Variants in ME3 observed in about 807,000 individuals in gnomAD.
ME3 encodes malic enzyme 3.
Under a neutral mutation model 68.9 loss-of-function variants are expected in ME3, and 48 were observed. That is an observed-to-expected ratio of 0.70 (90% CI 0.55 to 0.89). The LOEUF is 0.89. Among genes scored for constraint, ME3 ranks in the 40% least tolerant of loss-of-function variants. The probability of loss-of-function intolerance (pLI) is 0.00; values close to 1 mark genes in which losing one functional copy is unlikely to be tolerated. For missense variants in ME3, 675 were observed against 797.4 expected, an observed-to-expected ratio of 0.85 and a Z score of 1.85; for synonymous variants, 320 against 318.8, an observed-to-expected ratio of 1.00 and a Z score of -0.04.
chr11:86,519,350 G>A (rs1954102316), intron 4 of ME3, among the ~76,000 whole-genome samples: 1 of 152,196 alleles, frequency 6.6e-6, no homozygotes, highest in Admixed American at 6.5e-5. Flanking sequence ...GAAAAACAAA[G>A]ATAATGTTCA....
At chr11:86,485,293 GT>G (rs1268653244) in intron 7 of ME3, among the ~76,000 whole-genome samples, 2 of 152,124 alleles carry the variant, frequency 1.3e-5, no homozygotes, top group African/African-American at 2.4e-5. Flanking sequence ...TCAGCTTTTG[GT>G]TCTCTTCACT....
At chr11:86,490,980 G>A (rs1034033084) in intron 6 of ME3, among the ~76,000 whole-genome samples, 2 of 152,158 alleles carry the variant, frequency 1.3e-5, no homozygotes, top group Admixed American at 6.5e-5. Context: ...AGATACTGCT[G>A]AGATACAAGG....
intron 2 of ME3, among the ~76,000 whole-genome samples, chr11:86,610,000 A>C (rs142861809): frequency 6.6e-6 from 1 of 152,232 alleles, no homozygotes; most frequent in African/African-American, 2.4e-5. Flanking sequence ...TCAAGGGTAT[A>C]AACTATCATC....
At position 86,594,485 on chromosome 11, in the gene ME3, G is replaced by A. The variant is rs962696534; in HGVS notation, c.184-34662C>T. Reference sequence around the variant, plus strand: ...GTGGGTGAAGCACTTGAGCCCAGGTGTTTGAGACCAACCTGGGCAACATAA... The same window carrying A: ...GTGGGTGAAGCACTTGAGCCCAGGTATTTGAGACCAACCTGGGCAACATAA... On this transcript the variant is annotated intron_variant, in intron 2 of 14. Coordinates refer to ENST00000543262, the Ensembl canonical transcript of ME3. Among the ~76,000 whole-genome samples, 54 of 145,436 alleles carry A rather than the reference G, an allele frequency of 3.7e-4. 9 individuals are homozygous for A. In the Admixed American group the frequency reaches 4.0e-3, roughly 11 times the overall value.
At chr11:86,504,606 C>G (rs771514748) in intron 5 of ME3, among the ~76,000 whole-genome samples, 5 of 152,042 alleles carry the variant, frequency 3.3e-5, no homozygotes, top group Admixed American at 6.5e-5. Flanking sequence ...GTTGGCCAGG[C>G]TGGTCTCAAA....
intron 2 of ME3, among the ~76,000 whole-genome samples, chr11:86,604,382 G>A (rs1461953282): frequency 6.6e-6 from 1 of 152,056 alleles, no homozygotes; most frequent in East Asian, 1.9e-4. Flanking sequence ...AGATGGTTGT[G>A]GGGTGAGGTG....
intron 2 of ME3, among the ~76,000 whole-genome samples, chr11:86,660,180 C>T (rs981387375): frequency 3.9e-5 from 6 of 152,220 alleles, no homozygotes; most frequent in South Asian, 2.1e-4. Flanking sequence ...TTCTCTGACT[C>T]ACTCTTCTCC....
At chr11:86,446,253 G>A (rs1949280028) in intron 13 of ME3, 61 bp downstream of exon 13, 1 of 1,571,580 alleles carries the variant, frequency 6.4e-7, no homozygotes, top group Non-Finnish European at 8.7e-7. Flanking sequence ...ATCTGGTATA[G>A]GACCCAGTGT....
At chr11:86,551,984 T>C (rs1411278149) in intron 4 of ME3, among the ~76,000 whole-genome samples, 2 of 152,226 alleles carry the variant, frequency 1.3e-5, no homozygotes, top group Non-Finnish European at 2.9e-5. Flanking sequence ...CAGGTCTGAA[T>C]CAAACAACAG....
chr11:86,613,211 G>T (rs1395695970), intron 2 of ME3, among the ~76,000 whole-genome samples: 1 of 152,164 alleles, frequency 6.6e-6, no homozygotes, highest in Admixed American at 6.5e-5. Context: ...AAGATCAGAT[G>T]GTTGTAGATG....
At chr11:86,483,151 C>T (rs1951507582) in intron 7 of ME3, among the ~76,000 whole-genome samples, 1 of 152,146 alleles carries the variant, frequency 6.6e-6, no homozygotes, top group Non-Finnish European at 1.5e-5. Context: ...ACAGTAGAGA[C>T]ATCTAGTCAT....
chr11:86,608,931 A>G (rs7951868), intron 2 of ME3, among the ~76,000 whole-genome samples: 60,636 of 151,990 alleles, frequency 0.4, 12,727 homozygotes, highest in East Asian at 0.71. Flanking sequence ...ATAATGGATA[A>G]CAATTGACAT....
intron 2 of ME3, among the ~76,000 whole-genome samples, chr11:86,629,974 C>G (rs940344456): frequency 4.6e-5 from 7 of 152,100 alleles, no homozygotes; most frequent in Non-Finnish European, 7.4e-5. Context: ...GAAACTGAGT[C>G]TGAATAATGC....
chr11:86,656,816 C>T (rs1945914700), intron 2 of ME3, among the ~76,000 whole-genome samples: 1 of 151,236 alleles, frequency 6.6e-6, no homozygotes, highest in Non-Finnish European at 1.5e-5. Flanking sequence ...TATGAACAGA[C>T]ACTTCTCTAA....
chr11:86,646,993 G>T (rs891142067), intron 2 of ME3, among the ~76,000 whole-genome samples: 22 of 152,144 alleles, frequency 1.4e-4, no homozygotes, highest in Middle Eastern at 3.2e-3. Flanking sequence ...TTATAGACAA[G>T]CAAATGCTGA....
chr11:86,551,145 G>T (rs1206325669), intron 4 of ME3, among the ~76,000 whole-genome samples: 1 of 152,112 alleles, frequency 6.6e-6, no homozygotes, highest in Non-Finnish European at 1.5e-5. Context: ...TGGGGTGAGA[G>T]GGAAGAAGAG....
chr11:86,507,367 A>G (rs1369635380), intron 5 of ME3, among the ~76,000 whole-genome samples: 1 of 152,202 alleles, frequency 6.6e-6, no homozygotes, highest in Non-Finnish European at 1.5e-5. Context: ...CTGAACTTCC[A>G]GGGAGCTCTT....
chr11:86,559,533 G>C (rs527468663), intron 3 of ME3, among the ~76,000 whole-genome samples, 157 bp downstream of exon 3: 1 of 152,318 alleles, frequency 6.6e-6, no homozygotes, highest in South Asian at 2.1e-4. Context: ...CTCTCAGGGA[G>C]ACCATGAATC....
intron 4 of ME3, among the ~76,000 whole-genome samples, chr11:86,522,120 C>T (rs1045962236): frequency 3.3e-5 from 5 of 152,002 alleles, no homozygotes; most frequent in Non-Finnish European, 5.9e-5. Context: ...TGTGGTGGCA[C>T]GCACCTGTAG....
Sources: gnomAD v4.1 joint callset for allele counts (sites outside exome capture counted in the v4.1 genomes callset) on GRCh38, gnomAD v4.1.1 for gene constraint, MANE v1.5 for transcripts, NCBI Gene and HGNC (gene_info 2026-07-23, HGNC 2026-07-21) for gene names.